BCLAF3: variants seen among roughly 807,000 people sequenced by gnomAD.
BCLAF3 encodes the protein transient octamer binding factor 1.
A neutral mutation model predicts 51.2 loss-of-function variants in BCLAF3; 24 were observed. The observed-to-expected ratio is 0.47, with a 90% CI of 0.34 to 0.66. The LOEUF is 0.66. Ranked by LOEUF, BCLAF3 falls within the 30% of genes least tolerant of loss-of-function variation. The pLI is 0.01. For synonymous variants in BCLAF3, 152 were observed against 176.6 expected (o/e 0.86, Z 1.10); for missense variants, 465 against 525.1 (o/e 0.89, Z 1.12).
Position 19,970,313 on chromosome X carries a change from A to C in BCLAF3, c.-34-15T>G. ...CACTTTTTACACTGCAAAGAAACAC[A>C]GGATTAGCAGGTTTGTAGAAAGACC... On this transcript the variant is annotated splice_polypyrimidine_tract_variant and intron_variant, in intron 1 of 11. Coordinates refer to ENST00000379682, the MANE Select transcript of BCLAF3 (RefSeq NM_001367774.2). 8.3e-7 allele frequency: 1 copy of C among 1,198,087 alleles called. No homozygotes were observed. The highest frequency in any genetic ancestry group is 3.0e-5 in the East Asian group (1 of 33,802).
At chrX:19,930,006 C>T (rs2070488129) in intron 10 of BCLAF3, 66 bp from the exon 11 acceptor site, 13 of 1,090,471 alleles carry the variant, frequency 1.2e-5, no homozygotes, top group Non-Finnish European at 1.6e-5. Flanking sequence ...TATTAGTAAA[C>T]AGATGAGTGG....
At chrX:19,988,551 C>T (rs1359871701) in intron 1 of BCLAF3, among the ~76,000 whole-genome samples, 2 of 111,726 alleles carry the variant, frequency 1.8e-5, no homozygotes, top group Non-Finnish European at 3.8e-5. Flanking sequence ...GCAGGAGAAT[C>T]GCTCGAGCTC....
intron 11 of BCLAF3, among the ~76,000 whole-genome samples, chrX:19,928,582 T>C (rs1425498219): frequency 1.8e-5 from 2 of 111,201 alleles, no homozygotes; most frequent in Admixed American, 9.6e-5. Flanking sequence ...AAACTCTGTC[T>C]CAAAAAATTA....
intron 6 of BCLAF3, 49 bp downstream of exon 6, chrX:19,953,729 G>C (rs1344838525): frequency 9.8e-7 from 1 of 1,021,195 alleles, no homozygotes; most frequent in South Asian, 2.2e-5. Context: ...TCTTTTCTGA[G>C]GTATATCCCC....
intron 8 of BCLAF3, among the ~76,000 whole-genome samples, chrX:19,948,225 G>A (rs1053608151): frequency 8.9e-6 from 1 of 111,739 alleles, no homozygotes; most frequent in Non-Finnish European, 1.9e-5. Flanking sequence ...ACGAAAACAG[G>A]TATCTGCACA....
chrX:19,974,617 C>T (rs192622177), intron 1 of BCLAF3, among the ~76,000 whole-genome samples: 1 of 111,958 alleles, frequency 8.9e-6, no homozygotes, highest in East Asian at 2.8e-4. Flanking sequence ...GCAGCTCATT[C>T]ACCCCTGTAA....
At chrX:19,932,504 T>C (rs1259593063) in intron 10 of BCLAF3, among the ~76,000 whole-genome samples, 2 of 108,627 alleles carry the variant, frequency 1.8e-5, no homozygotes, top group Non-Finnish European at 3.8e-5. Context: ...TATTTATACA[T>C]CTTTACAGAT....
At chrX:19,920,852 C>G (rs1193935977) in intron 11 of BCLAF3, among the ~76,000 whole-genome samples, 2 of 109,811 alleles carry the variant, frequency 1.8e-5, no homozygotes, top group Non-Finnish European at 3.8e-5. Flanking sequence ...TAGCGAGGCA[C>G]CCTCAAGAAT....
chrX:19,935,905 G>GA lies in BCLAF3; in HGVS notation c.1861-8dup, dbSNP rs765715738. On this transcript the variant is annotated splice_region_variant and splice_polypyrimidine_tract_variant and intron_variant, in intron 9 of 11. Coordinates refer to ENST00000379682, the MANE Select transcript of BCLAF3 (RefSeq NM_001367774.2). ...TTCTCTGCGTAGTATAATTCTGCAC[G>GA]AAAAAAAGTAGTAGTGTGGGTTAAC... The GA allele has an allele frequency of 2.6e-6, 3 of 1,175,750 alleles. No individual in the cohort carries two copies. The highest frequency in any genetic ancestry group is 3.0e-5 in the East Asian group (1 of 33,673).
intron 4 of BCLAF3, among the ~76,000 whole-genome samples, chrX:19,964,381 T>A (rs2071971985): frequency 8.9e-6 from 1 of 111,890 alleles, no homozygotes; most frequent in Non-Finnish European, 1.9e-5. Context: ...TTTTAAAGAA[T>A]CATTAAGGGC....
At chrX:19,952,227 C>T (rs2071510246) in intron 7 of BCLAF3, among the ~76,000 whole-genome samples, 1 of 111,492 alleles carries the variant, frequency 9.0e-6, no homozygotes, top group African/African-American at 3.3e-5. Flanking sequence ...AACAAATTAA[C>T]CTATCTCCAT....
intron 1 of BCLAF3, among the ~76,000 whole-genome samples, chrX:19,984,167 A>T (rs1397845007): frequency 2.7e-5 from 3 of 110,031 alleles, no homozygotes; most frequent in Admixed American, 2.0e-4. Context: ...TGTGACACAA[A>T]AAGACACTTT....
chrX:19,966,012 ATAAAG>A, intron 3 of BCLAF3, 63 bp downstream of exon 3: 1 of 1,009,217 alleles, frequency 9.9e-7, no homozygotes, highest in Non-Finnish European at 1.3e-6. Context: ...ATCTTCAACC[ATAAAG>A]TAAACAGATC....
At chrX:19,935,744 C>G in intron 10 of BCLAF3, 65 bp downstream of exon 10, 1 of 914,356 alleles carries the variant, frequency 1.1e-6, no homozygotes. Context: ...TTTACTAACA[C>G]TTAAAACATT....
chrX:19,935,512 C>T (rs1484711831), intron 10 of BCLAF3: 2 of 234,865 alleles, frequency 8.5e-6, no homozygotes, highest in Non-Finnish European at 1.5e-5. Context: ...GGTCTGCAGC[C>T]TTGCCTGTCT....
intron 8 of BCLAF3, among the ~76,000 whole-genome samples, chrX:19,945,442 G>A (rs866833398): frequency 5.7e-4 from 61 of 106,537 alleles, no homozygotes; most frequent in African/African-American, 1.1e-3. Flanking sequence ...TGATGTACAG[G>A]TGGGTTTTCG....
Position 19,966,455 on chromosome X carries a change from G to A in BCLAF3, c.236C>T (p.Pro79Leu), listed in dbSNP as rs2072059960. The change falls in exon 3 of 12, where the codon CCT (proline) becomes CTT (leucine). Residue 79 changes from proline to leucine, a missense_variant. By Grantham distance (98) the Pro-to-Leu change is moderately conservative. Coordinates refer to ENST00000379682, the MANE Select transcript of BCLAF3 (RefSeq NM_001367774.2). ...TAAAGAGTTTCTTATGTTAGGGGAA[G>A]GTGATCTATGTTCATAAGACTGGTA... is the stretch of plus-strand genomic sequence containing the variant. The part of the protein sequence containing the change: ...IYYQSYEHRS[P>L]SPNIRNSLEN... The A allele has an allele frequency of 2.5e-6, 3 of 1,211,275 alleles. No homozygotes were observed. Among genetic ancestry groups the A allele is most frequent in the Non-Finnish European group, 3.4e-6 (3 of 895,156 alleles).
intron 1 of BCLAF3, among the ~76,000 whole-genome samples, chrX:19,989,710 A>G (rs1208260991): frequency 9.0e-6 from 1 of 111,236 alleles, no homozygotes; most frequent in Non-Finnish European, 1.9e-5. Context: ...CACATTCACA[A>G]TGGTTACTTG....
intron 8 of BCLAF3, 107 bp downstream of exon 8, chrX:19,950,646 G>C: frequency 4.0e-6 from 2 of 500,632 alleles, no homozygotes; most frequent in Non-Finnish European, 6.6e-6. Context: ...GGATTTGAAG[G>C]AGCAAATCCC....
Sources: gnomAD v4.1 joint callset for allele counts (sites outside exome capture counted in the v4.1 genomes callset) on GRCh38, gnomAD v4.1.1 for gene constraint, MANE v1.5 for transcripts, NCBI Gene and HGNC (gene_info 2026-07-23, HGNC 2026-07-21) for gene names.